Variants in ANO2 observed in about 807,000 individuals in gnomAD.
The protein encoded by ANO2 is anoctamin 2.
Under a neutral mutation model 124.2 loss-of-function variants are expected in ANO2, and 101 were observed. That is an observed-to-expected ratio of 0.81 (90% CI 0.69 to 0.96). The LOEUF (loss-of-function observed/expected upper bound fraction) is 0.96, where lower values mean the gene tolerates loss of function less well. Ranked by LOEUF, ANO2 falls within the 40% of genes least tolerant of loss-of-function variation. ANO2 has a pLI of 0.00. For synonymous variants in ANO2, 486 were observed against 482.5 expected (o/e 1.01, Z -0.09); for missense variants, 1,293 against 1,274.5 (o/e 1.01, Z -0.22).
chr12:5,660,584 T>A (rs1038366191), intron 14 of ANO2, among the ~76,000 whole-genome samples: 2 of 151,656 alleles, frequency 1.3e-5, no homozygotes, highest in Admixed American at 6.6e-5. Context: ...CTGGTCCATG[T>A]TATTCTCTAC....
chr12:5,922,252 C>T (rs571392741), intron 2 of ANO2, among the ~76,000 whole-genome samples: 31 of 152,318 alleles, frequency 2.0e-4, no homozygotes, highest in African/African-American at 6.0e-4. Context: ...CCTCTGCAGC[C>T]ACCTGAGAGG....
intron 3 of ANO2, among the ~76,000 whole-genome samples, chr12:5,890,853 A>T (rs748740180): frequency 6.6e-6 from 1 of 152,224 alleles, no homozygotes; most frequent in Non-Finnish European, 1.5e-5. Context: ...ATTCACTTAC[A>T]GGATTGGTCA....
intron 12 of ANO2, chr12:5,740,123 A>C (rs1951038526): frequency 2.6e-6 from 1 of 387,246 alleles, no homozygotes; most frequent in Non-Finnish European, 5.2e-6. Context: ...TGATACCCCC[A>C]CGAGCACAAC....
chr12:5,866,318 T>C (rs73257232), intron 3 of ANO2, among the ~76,000 whole-genome samples: 2,547 of 152,146 alleles, frequency 0.017, 68 homozygotes, highest in African/African-American at 0.054. Context: ...ACCCTGCAGA[T>C]GGTTGAGCAG....
intron 4 of ANO2, among the ~76,000 whole-genome samples, chr12:5,847,098 A>G (rs563369986): frequency 6.6e-6 from 1 of 152,318 alleles, no homozygotes; most frequent in South Asian, 2.1e-4. Context: ...TTGAGTCAGT[A>G]GGCTGAGTAG....
intron 3 of ANO2, among the ~76,000 whole-genome samples, chr12:5,883,013 G>A (rs1235938263): frequency 6.6e-6 from 1 of 152,140 alleles, no homozygotes; most frequent in Non-Finnish European, 1.5e-5. Flanking sequence ...TTCCCTGCCA[G>A]GGTTCCAAGT....
chr12:5,850,386 A>G (rs1954841622), intron 4 of ANO2, among the ~76,000 whole-genome samples: 2 of 145,340 alleles, frequency 1.4e-5, no homozygotes. Context: ...ACTGCACTCC[A>G]GCCTGGGTGA....
At chr12:5,790,420 T>C (rs1298478613) in intron 10 of ANO2, among the ~76,000 whole-genome samples, 1 of 152,186 alleles carries the variant, frequency 6.6e-6, no homozygotes, top group Non-Finnish European at 1.5e-5. Flanking sequence ...CGGTGCTTTC[T>C]TCTCAAGCCA....
chr12:5,633,374 G>A (rs935454684), intron 16 of ANO2, among the ~76,000 whole-genome samples: 6 of 152,136 alleles, frequency 3.9e-5, no homozygotes, highest in African/African-American at 1.2e-4. Flanking sequence ...TACCTCCCAT[G>A]TAGCCGCTCT....
chr12:5,684,666 T>C (rs1948633422), intron 14 of ANO2, among the ~76,000 whole-genome samples: 2 of 152,188 alleles, frequency 1.3e-5, no homozygotes, highest in South Asian at 2.1e-4. Flanking sequence ...TCTAAACCTC[T>C]GAGCATATGG....
chr12:5,653,770 A>T (rs948446755), intron 14 of ANO2, among the ~76,000 whole-genome samples: 3 of 152,224 alleles, frequency 2.0e-5, no homozygotes, highest in Non-Finnish European at 2.9e-5. Context: ...ACAAAGTGTC[A>T]TGGAAACATA....
intron 1 of ANO2, among the ~76,000 whole-genome samples, chr12:5,935,138 G>C (rs1237645007): frequency 1.3e-5 from 2 of 152,208 alleles, no homozygotes; most frequent in Non-Finnish European, 2.9e-5. Flanking sequence ...TTTTTAACTG[G>C]TATGAGTGAA....
chr12:5,767,319 GA>G (rs773933985), intron 10 of ANO2, among the ~76,000 whole-genome samples: 20 of 152,174 alleles, frequency 1.3e-4, no homozygotes, highest in Non-Finnish European at 2.4e-4. Context: ...AGACAGCCTG[GA>G]AAATCCCAAT....
intron 10 of ANO2, among the ~76,000 whole-genome samples, chr12:5,771,551 A>C (rs966272558): frequency 1.3e-5 from 2 of 152,132 alleles, no homozygotes; most frequent in South Asian, 2.1e-4. Context: ...AGGCCAAGGC[A>C]GGTGGATCAC....
intron 3 of ANO2, among the ~76,000 whole-genome samples, chr12:5,880,653 T>C (rs924974015): frequency 1.3e-5 from 2 of 151,972 alleles, no homozygotes; most frequent in African/African-American, 4.8e-5. Context: ...CAAGCAAGGA[T>C]TGAATGGATC....
At chr12:5,880,437 G>A (rs1423847251) in intron 3 of ANO2, among the ~76,000 whole-genome samples, 1 of 151,388 alleles carries the variant, frequency 6.6e-6, no homozygotes. Context: ...AAAAAGGAGA[G>A]AAAAACATCT....
chr12:5,611,166 T>G (rs1944529035), intron 19 of ANO2, among the ~76,000 whole-genome samples: 1 of 151,770 alleles, frequency 6.6e-6, no homozygotes, highest in African/African-American at 2.4e-5. Context: ...AGATGGGGTG[T>G]CACCATATTG....
intron 16 of ANO2, among the ~76,000 whole-genome samples, chr12:5,623,315 G>A (rs2159950): frequency 0.29 from 43,396 of 151,950 alleles, 7,381 homozygotes; most frequent in East Asian, 0.49. Flanking sequence ...CACCTCCGCC[G>A]GGAAGCACCC....
intron 3 of ANO2, among the ~76,000 whole-genome samples, chr12:5,896,692 C>T (rs1220327772): frequency 6.6e-6 from 1 of 152,064 alleles, no homozygotes; most frequent in African/African-American, 2.4e-5. Flanking sequence ...TCTAAATTTC[C>T]TCATGAAGGA....
Sources: allele counts gnomAD v4.1 joint callset (sites outside exome capture counted in the v4.1 genomes callset), GRCh38; gene constraint gnomAD v4.1.1; transcripts MANE v1.5; gene names NCBI Gene and HGNC (gene_info 2026-07-23, HGNC 2026-07-21).